The following PLA2G4E variants were observed in gnomAD, a reference collection of about 807,000 sequenced individuals.
PLA2G4E encodes the protein cytosolic phospholipase A2 epsilon.
Under a neutral mutation model 109.1 loss-of-function variants are expected in PLA2G4E, and 84 were observed. That is an observed-to-expected ratio of 0.77 (90% CI 0.65 to 0.92). PLA2G4E has a LOEUF of 0.92. PLA2G4E is among the 40% of genes least tolerant of loss of function. The pLI is 0.00. For synonymous variants in PLA2G4E, 469 were observed against 436.1 expected, an observed-to-expected ratio of 1.08 and a Z score of -0.94; for missense variants, 1,057 against 1,076.6, an observed-to-expected ratio of 0.98 and a Z score of 0.25.
chr15:41,992,660 C>G, intron 13 of PLA2G4E, 77 bp downstream of exon 13: 1 of 1,426,442 alleles, frequency 7.0e-7, no homozygotes, highest in South Asian at 1.3e-5. Context: ...CAATGGAAGT[C>G]CTGACTCCCC....
chr15:41,990,668 A>G (rs1221201967), intron 13 of PLA2G4E, among the ~76,000 whole-genome samples: 1 of 151,758 alleles, frequency 6.6e-6, no homozygotes. Flanking sequence ...ACTGAGGGGT[A>G]AAAAGTTGGG....
intron 1 of PLA2G4E, among the ~76,000 whole-genome samples, chr15:42,016,955 C>T (rs545550029): frequency 6.6e-6 from 1 of 152,384 alleles, no homozygotes; most frequent in Non-Finnish European, 1.5e-5. Flanking sequence ...AGGTGCACTC[C>T]TCCTTTCTCA....
At chr15:42,022,537 A>G (rs2141066506) in intron 1 of PLA2G4E, among the ~76,000 whole-genome samples, 1 of 152,046 alleles carries the variant, frequency 6.6e-6, no homozygotes, top group African/African-American at 2.4e-5. Flanking sequence ...TCTGGGGGTT[A>G]TGGGAGAGAG....
At chr15:42,021,431 G>T (rs182705465) in intron 1 of PLA2G4E, among the ~76,000 whole-genome samples, 1 of 151,682 alleles carries the variant, frequency 6.6e-6, no homozygotes, top group African/African-American at 2.4e-5. Context: ...GGATGCGACC[G>T]TCGCTCCCAA....
chr15:42,045,145 G>A (rs72727715), intron 1 of PLA2G4E, among the ~76,000 whole-genome samples: 12,193 of 152,220 alleles, frequency 0.08, 498 homozygotes, highest in South Asian at 0.12. Context: ...CCGGTGGGGA[G>A]TCTCAGGGGG....
intron 13 of PLA2G4E, among the ~76,000 whole-genome samples, chr15:41,991,851 T>C (rs1019551115): frequency 6.6e-6 from 1 of 152,118 alleles, no homozygotes; most frequent in Admixed American, 6.5e-5. Flanking sequence ...AGCTCTCCTC[T>C]GGGGCCAGGC....
chr15:41,985,830 C>A lies in PLA2G4E; in HGVS notation c.2202+9G>T. 1 of 1,605,978 alleles carries A rather than the reference C, an allele frequency of 6.2e-7. No homozygotes were observed. Among genetic ancestry groups the A allele is most frequent in the East Asian group, 2.2e-5 (1 of 44,614 alleles). On this transcript the variant is annotated intron_variant, in intron 18 of 19. Coordinates refer to ENST00000399518, the Ensembl canonical transcript of PLA2G4E. ...CAGCCCATGCTCAGGAGGGAGGCTG[C>A]GCACTTGCCTTTGTCTGGGACCCAG...
intron 1 of PLA2G4E, among the ~76,000 whole-genome samples, chr15:42,043,604 C>A (rs1765814072): frequency 1.3e-5 from 2 of 149,922 alleles, no homozygotes; most frequent in African/African-American, 2.5e-5. Flanking sequence ...ACCAAAGAGG[C>A]CAGTGACAAA....
In PLA2G4E at chr15:42,022,796, G is replaced by A. The variant is rs117735412; in HGVS notation, c.184-9039C>T. Reference sequence around the variant, plus strand: ...CCAAACAGGCCACGGACTGGTACTGGTCTGTGGCCAGGGGGTTGGGGGCCC... The same window carrying A: ...CCAAACAGGCCACGGACTGGTACTGATCTGTGGCCAGGGGGTTGGGGGCCC... On this transcript the variant is annotated intron_variant, in intron 1 of 19. Coordinates refer to ENST00000399518, the Ensembl canonical transcript of PLA2G4E. Among the ~76,000 whole-genome samples, 6 of 152,288 alleles carry A rather than the reference G, an allele frequency of 3.9e-5. No homozygotes were observed. In the East Asian group the frequency reaches 1.2e-3, roughly 29 times the overall value.
chr15:42,045,328 G>A lies in PLA2G4E; in HGVS notation c.183+5193C>T, dbSNP rs145329626. On this transcript the variant is annotated intron_variant, in intron 1 of 19. Transcript: ENST00000399518. The stretch of plus-strand genomic sequence containing the variant: ...TGAGAGGGAAGGGCATGAGCTGGGG[G>A]CCAAGAGTGTGAAACCGGGAGGATG... 2.5e-3 allele frequency among the ~76,000 whole-genome samples: 374 copies of A among 152,274 alleles called. 1 individual carries two copies. Among genetic ancestry groups the A allele is most frequent in the African/African-American group, 8.5e-3 (352 of 41,546 alleles).
chr15:41,994,303 C>CA (rs1555385641), intron 12 of PLA2G4E, among the ~76,000 whole-genome samples: 1 of 151,944 alleles, frequency 6.6e-6, no homozygotes, highest in Non-Finnish European at 1.5e-5. Flanking sequence ...CTCTGCCCCC[C>CA]GGGGGGGTGT....
intron 1 of PLA2G4E, among the ~76,000 whole-genome samples, chr15:42,020,997 G>A (rs2068643510): frequency 6.6e-6 from 1 of 151,762 alleles, no homozygotes; most frequent in Admixed American, 6.6e-5. Flanking sequence ...GGCAGGGAGT[G>A]GGAGACCCTG....
chr15:42,045,700 G>C (rs916865526), intron 1 of PLA2G4E, among the ~76,000 whole-genome samples: 3 of 152,168 alleles, frequency 2.0e-5, no homozygotes, highest in Admixed American at 6.5e-5. Context: ...GCATCTGAAA[G>C]GTGGAAAACG....
exon 11 of PLA2G4E, chr15:41,997,215 G>T: frequency 6.4e-7 from 1 of 1,551,472 alleles, no homozygotes; most frequent in Non-Finnish European, 8.7e-7. Flanking sequence ...CTCCAGCTCT[G>T]CTGGGCACAG....
chr15:42,019,877 A>C (rs1273010968), intron 1 of PLA2G4E, among the ~76,000 whole-genome samples: 1 of 152,206 alleles, frequency 6.6e-6, no homozygotes, highest in African/African-American at 2.4e-5. Context: ...GAGGCTCCTG[A>C]AGCCACATTT....
intron 5 of PLA2G4E, among the ~76,000 whole-genome samples, chr15:42,003,878 T>C (rs201856864): frequency 2.1e-5 from 3 of 139,646 alleles, no homozygotes; most frequent in African/African-American, 5.2e-5. Flanking sequence ...TTTCTTTCTT[T>C]CTTCCTTTCC....
At chr15:42,026,962 G>A (rs1208685639) in intron 1 of PLA2G4E, among the ~76,000 whole-genome samples, 1 of 134,556 alleles carries the variant, frequency 7.4e-6, no homozygotes, top group Non-Finnish European at 1.6e-5. Flanking sequence ...GACAGAGCAA[G>A]ACTCTATCTC....
intron 1 of PLA2G4E, among the ~76,000 whole-genome samples, chr15:42,044,278 A>G (rs1889369836): frequency 6.6e-6 from 1 of 152,204 alleles, no homozygotes; most frequent in African/African-American, 2.4e-5. Context: ...TCCCAGAGGA[A>G]GCAGCCTTGA....
At chr15:42,008,466 T>C (rs938799062) in intron 2 of PLA2G4E, among the ~76,000 whole-genome samples, 6 of 152,230 alleles carry the variant, frequency 3.9e-5, no homozygotes, top group African/African-American at 1.4e-4. Context: ...TTACCTATCC[T>C]GATCTGCAGC....
Sources: gnomAD v4.1 joint callset for allele counts (sites outside exome capture counted in the v4.1 genomes callset) on GRCh38, gnomAD v4.1.1 for gene constraint, MANE v1.5 for transcripts, NCBI Gene and HGNC (gene_info 2026-07-23, HGNC 2026-07-21) for gene names.